Variants in PITPNC1 observed in about 807,000 individuals in gnomAD.
PITPNC1 encodes phosphatidylinositol transfer protein cytoplasmic 1, also known as cytoplasmic phosphatidylinositol transfer protein 1.
In PITPNC1, 18 loss-of-function variants were observed where a neutral mutation model predicts 44.7. The observed-to-expected ratio is 0.40, with a 90% CI of 0.28 to 0.60. PITPNC1 has a LOEUF of 0.60. PITPNC1 is among the 20% of genes least tolerant of loss of function. PITPNC1 has a pLI of 0.39. For missense variants in PITPNC1, 290 were observed against 418.4 expected, an observed-to-expected ratio of 0.69 and a Z score of 2.68; for synonymous variants, 141 against 149.6, an observed-to-expected ratio of 0.94 and a Z score of 0.42.
chr17:67,480,475 G>A (rs993443988), intron 1 of PITPNC1, among the ~76,000 whole-genome samples: 3 of 152,136 alleles, frequency 2.0e-5, no homozygotes, highest in Non-Finnish European at 4.4e-5. Context: ...TGAAAGACTG[G>A]TTAGATAAAT....
chr17:67,617,879 C>T (rs1055526993), intron 5 of PITPNC1, among the ~76,000 whole-genome samples: 1 of 152,108 alleles, frequency 6.6e-6, no homozygotes, highest in Non-Finnish European at 1.5e-5. Context: ...ATCTCAAGAT[C>T]CTTAACTAAT....
At chr17:67,678,014 AC>A (rs1477156296) in intron 8 of PITPNC1, among the ~76,000 whole-genome samples, 1 of 151,940 alleles carries the variant, frequency 6.6e-6, no homozygotes, top group Non-Finnish European at 1.5e-5. Context: ...GGAATTCGAG[AC>A]CAGCATGGGC....
chr17:67,579,036 C>T (rs1013158173), intron 5 of PITPNC1, among the ~76,000 whole-genome samples: 2 of 152,210 alleles, frequency 1.3e-5, no homozygotes, highest in Non-Finnish European at 2.9e-5. Flanking sequence ...GTGCATACTG[C>T]ATGCATGCTT....
intron 1 of PITPNC1, among the ~76,000 whole-genome samples, chr17:67,514,231 G>A (rs1180745658): frequency 1.3e-5 from 2 of 151,916 alleles, no homozygotes; most frequent in African/African-American, 2.4e-5. Flanking sequence ...ATGGAGTCTC[G>A]CTCTGTCTTC....
At chr17:67,541,497 T>C (rs1431121365) in intron 2 of PITPNC1, among the ~76,000 whole-genome samples, 1 of 150,722 alleles carries the variant, frequency 6.6e-6, no homozygotes, top group Admixed American at 6.6e-5. Flanking sequence ...ACACAATAAT[T>C]TAGTGTGTGT....
chr17:67,440,038 T>C lies in PITPNC1; in HGVS notation c.48+61836T>C, dbSNP rs997369740. Among the ~76,000 whole-genome samples the C allele has an allele frequency of 1.2e-4, 18 of 152,306 alleles. No homozygotes were observed. In the South Asian group the frequency reaches 2.9e-3, roughly 25 times the overall value. ...AAGTCTGTCTGAAATGAGAACTGTCTGTTGGCTTAATTCAGGTGATCACAG... is the reference window on the plus strand; with the variant it reads ...AAGTCTGTCTGAAATGAGAACTGTCCGTTGGCTTAATTCAGGTGATCACAG... On this transcript the variant is annotated intron_variant, in intron 1 of 8. Coordinates refer to ENST00000581322, the MANE Select transcript of PITPNC1 (RefSeq NM_012417.4).
intron 5 of PITPNC1, among the ~76,000 whole-genome samples, chr17:67,589,604 C>CAAAAAAAAAAAAAAAAAAAAA (rs10714478): frequency 7.9e-6 from 1 of 126,432 alleles, no homozygotes; most frequent in African/African-American, 3.1e-5. Context: ...ATAATTGACT[C>CAAAAAAAAAAAAAAAAAAAAA]AAAAAAAAAA....
chr17:67,431,519 G>C (rs2038857168), intron 1 of PITPNC1, among the ~76,000 whole-genome samples: 1 of 152,186 alleles, frequency 6.6e-6, no homozygotes, highest in Admixed American at 6.5e-5. Flanking sequence ...AGTACAATGA[G>C]TTTGCAGTTT....
intron 5 of PITPNC1, among the ~76,000 whole-genome samples, chr17:67,595,100 AT>A (rs1455215729): frequency 6.6e-6 from 1 of 152,238 alleles, no homozygotes; most frequent in African/African-American, 2.4e-5. Flanking sequence ...TCAGCATGAT[AT>A]CTCCTTTTGC....
intron 2 of PITPNC1, among the ~76,000 whole-genome samples, chr17:67,550,928 G>A (rs2040753371): frequency 1.3e-5 from 2 of 152,130 alleles, no homozygotes; most frequent in African/African-American, 4.8e-5. Flanking sequence ...GGGCGTGGTG[G>A]CTGGCGCCTG....
At chr17:67,523,506 T>C (rs544202534) in intron 1 of PITPNC1, among the ~76,000 whole-genome samples, 46 of 144,332 alleles carry the variant, frequency 3.2e-4, no homozygotes, top group African/African-American at 1.2e-3. Flanking sequence ...TTTTTTTTTT[T>C]CTCACTTGAT....
intron 1 of PITPNC1, among the ~76,000 whole-genome samples, chr17:67,523,200 C>T (rs573724551): frequency 1.3e-5 from 2 of 152,294 alleles, no homozygotes; most frequent in East Asian, 3.9e-4. Context: ...AATTCTCAAG[C>T]TTTTTATAAT....
intron 4 of PITPNC1, among the ~76,000 whole-genome samples, chr17:67,554,109 C>T (rs2040802959): frequency 6.6e-6 from 1 of 152,056 alleles, no homozygotes; most frequent in African/African-American, 2.4e-5. Context: ...ATTTCTTCTT[C>T]TCCTAAGAGC....
chr17:67,516,633 G>T (rs1053305047), intron 1 of PITPNC1, among the ~76,000 whole-genome samples: 1 of 152,082 alleles, frequency 6.6e-6, no homozygotes, highest in African/African-American at 2.4e-5. Context: ...TGCCATGCTA[G>T]TTTCTTTTTT....
chr17:67,602,105 A>G (rs535225084), intron 5 of PITPNC1, among the ~76,000 whole-genome samples: 1 of 152,340 alleles, frequency 6.6e-6, no homozygotes, highest in East Asian at 1.9e-4. Flanking sequence ...ATCAGCCTAC[A>G]TAATTGTGGC....
chr17:67,403,196 A>C (rs1477375204), intron 1 of PITPNC1, among the ~76,000 whole-genome samples: 2 of 130,442 alleles, frequency 1.5e-5, no homozygotes, highest in African/African-American at 5.9e-5. Context: ...TAGCCTGGGC[A>C]ACACAGTGGA....
At chr17:67,610,660 C>T (rs1289949970) in intron 5 of PITPNC1, among the ~76,000 whole-genome samples, 1 of 151,976 alleles carries the variant, frequency 6.6e-6, no homozygotes, top group Admixed American at 6.6e-5. Context: ...TGGTGGCTCA[C>T]GCCTGTAATC....
intron 1 of PITPNC1, among the ~76,000 whole-genome samples, chr17:67,415,259 A>G (rs145775694): frequency 6.6e-6 from 1 of 152,204 alleles, no homozygotes; most frequent in African/African-American, 2.4e-5. Context: ...TCAGGGTCCA[A>G]CTGAAATGCC....
At chr17:67,516,673 T>A (rs938401389) in intron 1 of PITPNC1, among the ~76,000 whole-genome samples, 1 of 152,162 alleles carries the variant, frequency 6.6e-6, no homozygotes, top group African/African-American at 2.4e-5. Context: ...TCGCCCAGGC[T>A]GGAGTGCAGT....
Sources: gnomAD v4.1 joint callset for allele counts (sites outside exome capture counted in the v4.1 genomes callset) on GRCh38, gnomAD v4.1.1 for gene constraint, MANE v1.5 for transcripts, NCBI Gene and HGNC (gene_info 2026-07-23, HGNC 2026-07-21) for gene names.